ANXA3: variants seen among roughly 807,000 people sequenced by gnomAD.
The protein encoded by ANXA3 is 35-alpha calcimedin.
Under a neutral mutation model 48.8 loss-of-function variants are expected in ANXA3, and 46 were observed. That is an observed-to-expected ratio of 0.94 (90% CI 0.74 to 1.21). The LOEUF (loss-of-function observed/expected upper bound fraction) is 1.21, where lower values mean the gene tolerates loss of function less well. Among genes scored for constraint, ANXA3 ranks in the 50% most tolerant of loss-of-function variants. The probability of loss-of-function intolerance (pLI) is 0.00; values close to 1 mark genes in which losing one functional copy is unlikely to be tolerated. For synonymous variants in ANXA3, 128 were observed against 134.7 expected, an observed-to-expected ratio of 0.95 and a Z score of 0.35; for missense variants, 383 against 378.6, an observed-to-expected ratio of 1.01 and a Z score of -0.10.
chr4:78,605,922 C>A (rs1723637547), intron 12 of ANXA3, among the ~76,000 whole-genome samples: 1 of 152,240 alleles, frequency 6.6e-6, no homozygotes, highest in East Asian at 1.9e-4. Context: ...GGGGCTAGCC[C>A]CACACCTGCT....
chr4:78,603,309 T>A (rs886195222), intron 11 of ANXA3: 3 of 152,234 alleles, frequency 2.0e-5, no homozygotes, highest in Non-Finnish European at 4.4e-5. Context: ...ATGAATGGAA[T>A]ATCATTTAGT....
At chr4:78,595,717 A>G (rs1443922884) in intron 8 of ANXA3, 77 bp from the exon 9 acceptor site, 1 of 944,148 alleles carries the variant, frequency 1.1e-6, no homozygotes, top group Non-Finnish European at 1.7e-6. Flanking sequence ...GACCTCTGAA[A>G]TACAACTCCG....
At chr4:78,592,288 A>G (rs17003374) in intron 7 of ANXA3, among the ~76,000 whole-genome samples, 1,808 of 152,340 alleles carry the variant, frequency 0.012, 36 homozygotes, top group African/African-American at 0.041. Context: ...TTTAAACCAT[A>G]GCTCACCAAT....
intron 12 of ANXA3, 73 bp from the exon 13 acceptor site, chr4:78,609,983 A>G (rs1488763675): frequency 2.6e-6 from 3 of 1,174,736 alleles, no homozygotes; most frequent in African/African-American, 1.5e-5. Context: ...CCCTAGTGCT[A>G]TAGGATTTGA....
At chr4:78,558,153 T>A (rs981468068) in intron 2 of ANXA3, among the ~76,000 whole-genome samples, 2 of 152,228 alleles carry the variant, frequency 1.3e-5, no homozygotes, top group African/African-American at 4.8e-5. Flanking sequence ...GACAAAATAC[T>A]GTATGATTTC....
intron 3 of ANXA3, among the ~76,000 whole-genome samples, chr4:78,574,547 A>C (rs936391401): frequency 6.6e-5 from 10 of 152,266 alleles, no homozygotes; most frequent in Admixed American, 6.5e-4. Flanking sequence ...GAAACTTTTA[A>C]TACCATAACT....
chr4:78,597,960 G>A (rs1172638758), intron 10 of ANXA3, among the ~76,000 whole-genome samples: 2 of 152,120 alleles, frequency 1.3e-5, no homozygotes, highest in Non-Finnish European at 2.9e-5. Context: ...TTTGTCTTGT[G>A]ACCATGTTTA....
chr4:78,604,259 A>ACCTG lies in ANXA3; in HGVS notation c.790-16_790-13dup. The ACCTG allele has an allele frequency of 6.3e-7, 1 of 1,589,818 alleles. No individual in the cohort carries two copies. The highest frequency in any genetic ancestry group is 1.3e-5 in the African/African-American group (1 of 74,632). The stretch of plus-strand genomic sequence containing the variant: ...GACCAATGACATTTGTGTTGTGAAC[A>ACCTG]CCTGCATTCCTTAACAGGGTATTGG... On this transcript the variant is annotated splice_polypyrimidine_tract_variant and intron_variant, in intron 11 of 12. Coordinates refer to ENST00000264908, the MANE Select transcript of ANXA3 (RefSeq NM_005139.3).
chr4:78,597,186 C>A, intron 9 of ANXA3, 133 bp from the exon 10 acceptor site: 1 of 615,504 alleles, frequency 1.6e-6, no homozygotes, highest in Non-Finnish European at 2.8e-6. Flanking sequence ...CTTCTGTGCC[C>A]AGATTTTCAT....
At chr4:78,591,718 A>G in intron 7 of ANXA3, 95 bp downstream of exon 7, 1 of 847,928 alleles carries the variant, frequency 1.2e-6, no homozygotes, top group Non-Finnish European at 1.9e-6. Flanking sequence ...TGAGACAATG[A>G]GTTCACAATT....
intron 3 of ANXA3, among the ~76,000 whole-genome samples, chr4:78,576,066 G>A (rs1722945775): frequency 6.6e-6 from 1 of 151,602 alleles, no homozygotes; most frequent in African/African-American, 2.4e-5. Flanking sequence ...TATCTATTTG[G>A]CCCTCCCAAC....
chr4:78,554,929 G>A (rs1419527274), intron 2 of ANXA3, among the ~76,000 whole-genome samples: 2 of 152,204 alleles, frequency 1.3e-5, no homozygotes, highest in African/African-American at 4.8e-5. Flanking sequence ...GAATGGGCCG[G>A]GTGTGGTGGC....
intron 6 of ANXA3, among the ~76,000 whole-genome samples, chr4:78,590,830 G>T (rs1723276410): frequency 6.6e-6 from 1 of 151,470 alleles, no homozygotes; most frequent in Non-Finnish European, 1.5e-5. Context: ...CTTACAAAAG[G>T]TAGAAGTTTA....
intron 2 of ANXA3, among the ~76,000 whole-genome samples, chr4:78,571,632 A>T (rs1430513176): frequency 6.6e-6 from 1 of 152,224 alleles, no homozygotes; most frequent in African/African-American, 2.4e-5. Context: ...CAGTAACAGG[A>T]TAGAAAAATG....
chr4:78,573,511 C>T (rs143845020), intron 3 of ANXA3, among the ~76,000 whole-genome samples: 1,608 of 152,150 alleles, frequency 0.011, 12 homozygotes, highest in Non-Finnish European at 0.017. Context: ...CCCCAAATGC[C>T]GGGGGAATCT....
At chr4:78,572,743 T>C (rs1722864311) in intron 2 of ANXA3, among the ~76,000 whole-genome samples, 1 of 151,788 alleles carries the variant, frequency 6.6e-6, no homozygotes, top group Non-Finnish European at 1.5e-5. Context: ...ATTGGGGAGG[T>C]TGCAAATATT....
intron 3 of ANXA3, among the ~76,000 whole-genome samples, chr4:78,574,217 A>G (rs1351917591): frequency 6.6e-6 from 1 of 152,116 alleles, no homozygotes; most frequent in East Asian, 1.9e-4. Context: ...CCAGGAGTTC[A>G]ACACCAGCCT....
intron 12 of ANXA3, 35 bp from the exon 13 acceptor site, chr4:78,610,021 C>T (rs1400965353): frequency 1.3e-6 from 2 of 1,494,884 alleles, no homozygotes; most frequent in East Asian, 2.3e-5. Flanking sequence ...ATTATTTATA[C>T]TGTATTTGTT....
chr4:78,576,386 G>A lies in ANXA3; in HGVS notation c.104-2641G>A, dbSNP rs149563099. Among the ~76,000 whole-genome samples the A allele has an allele frequency of 3.5e-3, 525 of 152,052 alleles. 2 individuals carry two copies. Among genetic ancestry groups the A allele is most frequent in the Middle Eastern group, 0.024 (7 of 292 alleles). On this transcript the variant is annotated intron_variant, in intron 3 of 12. Coordinates refer to ENST00000264908, the MANE Select transcript of ANXA3 (RefSeq NM_005139.3). ...AGTGATATGATCACAGCCCACTGCA[G>A]CCTCAAACTCCTGGATCCTATGGCC...
Sources: allele counts gnomAD v4.1 joint callset (sites outside exome capture counted in the v4.1 genomes callset), GRCh38; gene constraint gnomAD v4.1.1; transcripts MANE v1.5; gene names NCBI Gene and HGNC (gene_info 2026-07-23, HGNC 2026-07-21).